Variants in UBTD2 observed in about 807,000 individuals in gnomAD.
UBTD2 encodes the protein ubiquitin domain-containing protein 2.
UBTD2 carries 9 observed loss-of-function variants against 19.8 expected under a neutral mutation model. That is an observed-to-expected ratio of 0.46 (90% CI 0.27 to 0.79). UBTD2 has a LOEUF of 0.79. UBTD2 is among the 30% of genes least tolerant of loss of function. The pLI is 0.14. For synonymous variants in UBTD2, 98 were observed against 103.9 expected, an observed-to-expected ratio of 0.94 and a Z score of 0.35; for missense variants, 250 against 300.4, an observed-to-expected ratio of 0.83 and a Z score of 1.24.
chr5:172,265,342 T>C (rs1297259352), intron 1 of UBTD2, among the ~76,000 whole-genome samples: 2 of 152,106 alleles, frequency 1.3e-5, no homozygotes, highest in Admixed American at 1.3e-4. Flanking sequence ...AGTAGTAAAC[T>C]TTTTTTTGAG....
intron 1 of UBTD2, among the ~76,000 whole-genome samples, chr5:172,277,835 T>C (rs1021378861): frequency 9.0e-6 from 1 of 111,668 alleles, no homozygotes; most frequent in Non-Finnish European, 1.9e-5. Context: ...CCAGAATATA[T>C]AAAACTCTTA....
chr5:172,217,322 G>A (rs1771563065), intron 2 of UBTD2, among the ~76,000 whole-genome samples: 1 of 151,264 alleles, frequency 6.6e-6, no homozygotes, highest in East Asian at 1.9e-4. Flanking sequence ...CGGAGGCTGA[G>A]GCAGGAGAAT....
At chr5:172,227,330 C>T (rs541386654) in intron 2 of UBTD2, among the ~76,000 whole-genome samples, 2 of 152,152 alleles carry the variant, frequency 1.3e-5, no homozygotes, top group Non-Finnish European at 2.9e-5. Context: ...ATTTATAACC[C>T]TGAACTATTT....
chr5:172,210,532 C>A lies in UBTD2; in HGVS notation c.*1298G>T, dbSNP rs188752270. 6.6e-6 allele frequency: 1 copy of A among 152,262 alleles called. No individual in the cohort carries two copies. Among genetic ancestry groups the A allele is most frequent in the East Asian group, 1.9e-4 (1 of 5,188 alleles). 9.4% of individuals were successfully genotyped at this position (152,262 alleles called of 1,614,324 possible). ...TACTCCAGTCATAGTATAGAAGAAT[C>A]AGGTTATCTCCCTGGATTTTTCAGT... is the stretch of plus-strand genomic sequence containing the variant. On this transcript the variant is annotated 3_prime_UTR_variant, in exon 3 of 3. Transcript: ENST00000393792.
At chr5:172,280,529 A>AC (rs1378977808) in intron 1 of UBTD2, among the ~76,000 whole-genome samples, 2 of 150,932 alleles carry the variant, frequency 1.3e-5, no homozygotes, top group Non-Finnish European at 1.5e-5. Flanking sequence ...AAAAAAAAAA[A>AC]CCAGCCTAAC....
chr5:172,210,204 G>A lies in UBTD2; in HGVS notation c.*1626C>T, dbSNP rs909553887. ...AATAAGGAAGTAGTTAAAGCTCTCA[G>A]AAACATGATGTTACAATTACAGATA... is the stretch of plus-strand genomic sequence containing the variant. On this transcript the variant is annotated 3_prime_UTR_variant, in exon 3 of 3. Transcript: ENST00000393792. The A allele has an allele frequency of 2.6e-5, 4 of 152,156 alleles. No homozygotes were observed. The highest frequency in any genetic ancestry group is 1.9e-4 in the East Asian group (1 of 5,200). 9.4% of individuals were successfully genotyped at this position (152,156 alleles called of 1,614,324 possible).
intron 1 of UBTD2, among the ~76,000 whole-genome samples, chr5:172,282,980 G>C (rs768754577): frequency 2.0e-5 from 3 of 152,112 alleles, no homozygotes; most frequent in Admixed American, 2.0e-4. Context: ...CCAAGCTCTA[G>C]CTAGGAGCCA....
intron 1 of UBTD2, among the ~76,000 whole-genome samples, chr5:172,247,959 A>C (rs1754917815): frequency 6.6e-6 from 1 of 152,208 alleles, no homozygotes; most frequent in Non-Finnish European, 1.5e-5. Context: ...ACTTTAAAAG[A>C]CTGAAATCAT....
In UBTD2 at chr5:172,235,611, G is replaced by A. The variant is rs1771992806; in HGVS notation, c.71-1253C>T. On this transcript the variant is annotated intron_variant, in intron 1 of 2. Coordinates refer to ENST00000393792, the MANE Select transcript of UBTD2 (RefSeq NM_152277.3). ...GAGAAGAAGAAAACAGAGGGCAAGT[G>A]GCAGCATCTCCCCTTAGACAATGTT... Among the ~76,000 whole-genome samples the A allele has an allele frequency of 2.0e-5, 3 of 152,112 alleles. No individual in the cohort carries two copies. The South Asian group carries it at 6.2e-4, about 32-fold the overall frequency.
chr5:172,215,135 G>A (rs915151278), intron 2 of UBTD2, among the ~76,000 whole-genome samples: 1 of 152,244 alleles, frequency 6.6e-6, no homozygotes, highest in Admixed American at 6.5e-5. Context: ...AAGTCTTAGA[G>A]AGAAAGCTCC....
chr5:172,268,976 TAGG>T (rs1016506968), intron 1 of UBTD2, among the ~76,000 whole-genome samples: 1 of 152,116 alleles, frequency 6.6e-6, no homozygotes, highest in African/African-American at 2.4e-5. Context: ...TGTGGTTACG[TAGG>T]AGAACAGCTT....
rs146642027 is a variant in UBTD2 at position 172,224,668 on chromosome 5, T to C, written c.307+9454A>G. On this transcript the variant is annotated intron_variant, in intron 2 of 2. Coordinates refer to ENST00000393792, the MANE Select transcript of UBTD2 (RefSeq NM_152277.3). ...CTCTCCTGCTGCCATGTGGAGGCCT[T>C]GCTTCCCCTTTGGGGCCTTGCTTCC... Among the ~76,000 whole-genome samples, 805 of 151,750 alleles carry C rather than the reference T, an allele frequency of 5.3e-3. 3 individuals carry two copies. Among genetic ancestry groups the C allele is most frequent in the Admixed American group, 8.7e-3 (133 of 15,234 alleles).
At chr5:172,243,091 G>C (rs1364926398) in intron 1 of UBTD2, among the ~76,000 whole-genome samples, 1 of 148,428 alleles carries the variant, frequency 6.7e-6, no homozygotes, top group Non-Finnish European at 1.5e-5. Context: ...GCCTCCCAAA[G>C]TGCTGGGATT....
chr5:172,242,084 T>G (rs1450948183), intron 1 of UBTD2, among the ~76,000 whole-genome samples: 2 of 152,268 alleles, frequency 1.3e-5, no homozygotes, highest in East Asian at 3.9e-4. Flanking sequence ...CCCCTTTTTT[T>G]CTCTTGCTAT....
chr5:172,224,368 C>A (rs943216986), intron 2 of UBTD2, among the ~76,000 whole-genome samples: 2 of 146,722 alleles, frequency 1.4e-5, no homozygotes, highest in Non-Finnish European at 3.0e-5. Context: ...GGCACAATCT[C>A]AGCTCACTGA....
chr5:172,214,064 C>T (rs574534536), intron 2 of UBTD2, among the ~76,000 whole-genome samples: 8 of 152,286 alleles, frequency 5.3e-5, no homozygotes, highest in African/African-American at 1.9e-4. Flanking sequence ...GGATCACAGG[C>T]GTGAGCCACC....
intron 1 of UBTD2, among the ~76,000 whole-genome samples, chr5:172,239,764 C>T (rs1772090260): frequency 2.0e-5 from 3 of 151,264 alleles, no homozygotes; most frequent in Admixed American, 1.3e-4. Context: ...ATTAGCCAGG[C>T]GTGGTGGCAG....
At chr5:172,232,008 C>G (rs759682272) in intron 2 of UBTD2, among the ~76,000 whole-genome samples, 1 of 152,170 alleles carries the variant, frequency 6.6e-6, no homozygotes, top group African/African-American at 2.4e-5. Context: ...CAGTGGTTCA[C>G]GCCTGTAATC....
intron 1 of UBTD2, among the ~76,000 whole-genome samples, chr5:172,239,516 G>C (rs1156963194): frequency 1.3e-5 from 2 of 151,952 alleles, no homozygotes; most frequent in African/African-American, 4.8e-5. Flanking sequence ...TGCCTCCCAG[G>C]TTCATGTGAT....
Sources: gnomAD v4.1 joint callset for allele counts (sites outside exome capture counted in the v4.1 genomes callset) on GRCh38, gnomAD v4.1.1 for gene constraint, MANE v1.5 for transcripts, NCBI Gene and HGNC (gene_info 2026-07-23, HGNC 2026-07-21) for gene names.